Variants in PCDH15 observed in about 807,000 individuals in gnomAD.
PCDH15 encodes protocadherin related 15.
PCDH15 carries 129 observed loss-of-function variants against 178.5 expected under a neutral mutation model. The observed-to-expected ratio is 0.72, with a 90% confidence interval of 0.63 to 0.84. The LOEUF is 0.84. PCDH15 is among the 40% of genes least tolerant of loss of function. The pLI is 0.00. For missense variants in PCDH15, 2,230 were observed against 2,099.9 expected, an observed-to-expected ratio of 1.06 and a Z score of -1.21; for synonymous variants, 800 against 732.0, an observed-to-expected ratio of 1.09 and a Z score of -1.50.
intron 15 of PCDH15, among the ~76,000 whole-genome samples, chr10:54,106,065 C>T (rs1385488288): frequency 6.6e-6 from 1 of 152,120 alleles, no homozygotes; most frequent in Non-Finnish European, 1.5e-5. Context: ...ATCTAAACAA[C>T]ATGTCAGAAT....
At chr10:54,447,539 T>A (rs555075675) in intron 3 of PCDH15, among the ~76,000 whole-genome samples, 1 of 151,700 alleles carries the variant, frequency 6.6e-6, no homozygotes, top group African/African-American at 2.4e-5. Context: ...CCCAGGTTCA[T>A]ACGTGTTGTT....
chr10:54,012,391 C>A (rs762063502), intron 20 of PCDH15, among the ~76,000 whole-genome samples: 1 of 152,048 alleles, frequency 6.6e-6, no homozygotes, highest in Non-Finnish European at 1.5e-5. Context: ...TCCATGAAAA[C>A]TTCCCAACCT....
chr10:54,909,576 C>A (rs1954784759), intron 2 of PCDH15, among the ~76,000 whole-genome samples: 1 of 152,050 alleles, frequency 6.6e-6, no homozygotes, highest in Admixed American at 6.6e-5. Context: ...CACTTCTGAG[C>A]CTGCGGTGAC....
chr10:53,909,949 G>A (rs1215678178), intron 25 of PCDH15, among the ~76,000 whole-genome samples: 2 of 152,180 alleles, frequency 1.3e-5, no homozygotes, highest in Admixed American at 6.5e-5. Flanking sequence ...AGCCTGGCAG[G>A]GGGAGAGGAG....
chr10:54,542,750 A>AG (rs1386669373), intron 2 of PCDH15, among the ~76,000 whole-genome samples: 1 of 151,606 alleles, frequency 6.6e-6, no homozygotes, highest in African/African-American at 2.4e-5. Context: ...ATGACATGGA[A>AG]GGGGGAAAGG....
chr10:55,216,065 T>C (rs1208051294), intron 1 of PCDH15, among the ~76,000 whole-genome samples: 1 of 151,888 alleles, frequency 6.6e-6, no homozygotes, highest in Non-Finnish European at 1.5e-5. Flanking sequence ...AATTTATCTG[T>C]GCCAATTTTT....
intron 13 of PCDH15, among the ~76,000 whole-genome samples, chr10:54,162,223 TC>T: frequency 6.6e-6 from 1 of 152,128 alleles, no homozygotes; most frequent in Non-Finnish European, 1.5e-5. Context: ...AAAGTTTAGA[TC>T]TTGATTATTT....
At chr10:54,234,355 C>G (rs765071477) in intron 9 of PCDH15, among the ~76,000 whole-genome samples, 1 of 152,040 alleles carries the variant, frequency 6.6e-6, no homozygotes, top group African/African-American at 2.4e-5. Context: ...TTCTCACAAC[C>G]CTTTTGTACA....
chr10:54,647,691 T>C (rs2094160309), intron 2 of PCDH15, among the ~76,000 whole-genome samples: 1 of 152,102 alleles, frequency 6.6e-6, no homozygotes, highest in Non-Finnish European at 1.5e-5. Flanking sequence ...ATTCAGCTTG[T>C]GAAATTTTTG....
intron 1 of PCDH15, among the ~76,000 whole-genome samples, chr10:55,240,216 A>C (rs1016754117): frequency 6.6e-6 from 1 of 152,178 alleles, no homozygotes; most frequent in Non-Finnish European, 1.5e-5. Flanking sequence ...CATCATAGAG[A>C]TATCAGAACC....
At chr10:55,248,959 G>A (rs1034833836) in intron 1 of PCDH15, among the ~76,000 whole-genome samples, 4 of 152,292 alleles carry the variant, frequency 2.6e-5, no homozygotes, top group African/African-American at 9.6e-5. Flanking sequence ...TTATATGGAT[G>A]AGGGAGAGTC....
chr10:54,768,009 G>GA (rs1948705516), intron 1 of PCDH15, among the ~76,000 whole-genome samples: 2 of 152,048 alleles, frequency 1.3e-5, no homozygotes, highest in Non-Finnish European at 2.9e-5. Context: ...CATGCTAATG[G>GA]AAAAATGTTA....
intron 32 of PCDH15, among the ~76,000 whole-genome samples, chr10:53,824,139 G>A (rs1453178523): frequency 2.5e-5 from 2 of 80,640 alleles, no homozygotes; most frequent in Non-Finnish European, 4.8e-5. Context: ...CAAAAAGATT[G>A]ATGCTAAAAA....
chr10:55,449,918 C>T (rs1055294263), intron 2 of PCDH15, among the ~76,000 whole-genome samples: 44 of 72,832 alleles, frequency 6.0e-4, no homozygotes, highest in African/African-American at 2.3e-3. Flanking sequence ...TTAATGAGGA[C>T]TTCATAACAT....
At chr10:54,905,337 G>C (rs545676315) in intron 2 of PCDH15, among the ~76,000 whole-genome samples, 16 of 152,026 alleles carry the variant, frequency 1.1e-4, no homozygotes, top group African/African-American at 3.9e-4. Context: ...GCACATACAA[G>C]CAACACTGTA....
intron 1 of PCDH15, among the ~76,000 whole-genome samples, chr10:55,257,432 A>C (rs1354709385): frequency 6.6e-6 from 1 of 152,190 alleles, no homozygotes; most frequent in Non-Finnish European, 1.5e-5. Flanking sequence ...TCTGAGCTAA[A>C]GGAGGAAGTT....
chr10:54,637,175 TTA>T (rs1474442770), intron 2 of PCDH15, among the ~76,000 whole-genome samples: 1 of 151,672 alleles, frequency 6.6e-6, no homozygotes, highest in Non-Finnish European at 1.5e-5. Context: ...AATGATTTAG[TTA>T]CCTATTTTGA....
intron 2 of PCDH15, among the ~76,000 whole-genome samples, chr10:55,570,038 G>C (rs755171672): frequency 6.6e-6 from 1 of 152,002 alleles, no homozygotes; most frequent in African/African-American, 2.4e-5. Flanking sequence ...GGGCAAAATA[G>C]AGCTTTTTTT....
intron 1 of PCDH15, among the ~76,000 whole-genome samples, chr10:55,202,116 G>A (rs1053875254): frequency 5.9e-5 from 9 of 152,080 alleles, no homozygotes; most frequent in African/African-American, 2.2e-4. Context: ...ATTAAAGATA[G>A]AAAAATTTTG....
Sources: gnomAD v4.1 joint callset for allele counts (sites outside exome capture counted in the v4.1 genomes callset) on GRCh38, gnomAD v4.1.1 for gene constraint, MANE v1.5 for transcripts, NCBI Gene and HGNC (gene_info 2026-07-23, HGNC 2026-07-21) for gene names.